The following NAV3 variants were observed in gnomAD, a reference collection of about 807,000 sequenced individuals.
NAV3 encodes the protein neuron navigator 3.
In NAV3, 87 loss-of-function variants were observed where a neutral mutation model predicts 244.7. The ratio of observed to expected loss-of-function variants is 0.36; its 90% CI spans 0.30 to 0.42. The LOEUF is 0.42. NAV3 is among the 20% of genes least tolerant of loss of function. The pLI is 1.00. For missense variants in NAV3, 2,663 were observed against 2,893.3 expected (o/e 0.92, Z 1.83); for synonymous variants, 1,126 against 1,042.2 (o/e 1.08, Z -1.55).
At chr12:77,653,762 A>G (rs1028021967) in intron 2 of NAV3, among the ~76,000 whole-genome samples, 22 of 152,164 alleles carry the variant, frequency 1.4e-4, no homozygotes, top group Admixed American at 6.5e-4. Context: ...ATATTTATAC[A>G]TCAATGGAAA....
chr12:77,953,943 T>A (rs1891129875), intron 3 of NAV3, among the ~76,000 whole-genome samples: 1 of 152,164 alleles, frequency 6.6e-6, no homozygotes, highest in Non-Finnish European at 1.5e-5. Context: ...CTCACAGTAC[T>A]GGAGGGCAGA....
At chr12:77,801,720 T>C (rs1411856302) in intron 2 of NAV3, among the ~76,000 whole-genome samples, 1 of 152,170 alleles carries the variant, frequency 6.6e-6, no homozygotes, top group Non-Finnish European at 1.5e-5. Context: ...CTGAATTTTT[T>C]TATGTAACTC....
intron 9 of NAV3, among the ~76,000 whole-genome samples, chr12:78,034,468 C>T (rs11107941): frequency 0.19 from 29,026 of 152,088 alleles, 2,980 homozygotes; most frequent in Middle Eastern, 0.25. Flanking sequence ...ATAAGCCCTC[C>T]GAGTGGTTCT....
intron 3 of NAV3, among the ~76,000 whole-genome samples, chr12:77,942,852 T>G (rs1031669583): frequency 6.6e-6 from 1 of 152,242 alleles, no homozygotes; most frequent in African/African-American, 2.4e-5. Context: ...TAAAAGATTT[T>G]TAAGGCTTTC....
chr12:77,849,890 G>T (rs1486868180), intron 1 of NAV3, among the ~76,000 whole-genome samples: 4 of 152,106 alleles, frequency 2.6e-5, no homozygotes, highest in Non-Finnish European at 5.9e-5. Context: ...GAATGTGGAA[G>T]AAAGAGTGGA....
intron 22 of NAV3, among the ~76,000 whole-genome samples, chr12:78,149,867 CATT>C (rs1957007692): frequency 6.6e-6 from 1 of 152,030 alleles, no homozygotes; most frequent in African/African-American, 2.4e-5. Context: ...TTTAAGCTAT[CATT>C]GTGCAATATA....
intron 31 of NAV3, among the ~76,000 whole-genome samples, chr12:78,186,980 A>G (rs1280881986): frequency 6.6e-6 from 1 of 151,856 alleles, no homozygotes; most frequent in East Asian, 1.9e-4. Context: ...TCCCATCATG[A>G]AAGTCCCACC....
intron 2 of NAV3, among the ~76,000 whole-genome samples, chr12:77,709,467 TGTAGTA>T (rs1429448861): frequency 6.6e-6 from 1 of 152,148 alleles, no homozygotes; most frequent in Non-Finnish European, 1.5e-5. Context: ...TTAACAGACT[TGTAGTA>T]GAGTAAAAGG....
At chr12:77,832,670 TAA>T (rs1359341052) in intron 1 of NAV3, among the ~76,000 whole-genome samples, 7 of 152,182 alleles carry the variant, frequency 4.6e-5, no homozygotes, top group South Asian at 2.1e-4. Context: ...AAATATAGAA[TAA>T]GTTATTGTTG....
At chr12:78,144,768 C>A (rs1359741349) in intron 20 of NAV3, among the ~76,000 whole-genome samples, 5 of 150,910 alleles carry the variant, frequency 3.3e-5, no homozygotes, top group African/African-American at 1.2e-4. Flanking sequence ...TGAATCTTTA[C>A]CAGCTTTCTA....
intron 10 of NAV3, 103 bp from the exon 11 acceptor site, chr12:78,050,661 T>G (rs2137239474): frequency 8.1e-7 from 1 of 1,231,848 alleles, no homozygotes; most frequent in Non-Finnish European, 1.1e-6. Context: ...ATGACGTGTT[T>G]ATAAGAGATG....
rs183037816 is a variant in NAV3, at chr12:78,177,642, A to G, written c.5320A>G (p.Lys1774Glu). 2.6e-4 allele frequency: 411 copies of G among 1,597,314 alleles called. No individual in the cohort carries two copies. In the African/African-American group the frequency reaches 4.9e-3, roughly 19 times the overall value. ...ASASPLVWPP[K>E]KRQNGPVIYK... Reference sequence around the variant, plus strand: ...CAGGTCACCCCTTGTCTGGCCACCAAAGAAACGACAAAATGGCCCTGTGAT... The same window carrying G: ...CAGGTCACCCCTTGTCTGGCCACCAGAGAAACGACAAAATGGCCCTGTGAT... Residue 1774 changes from lysine to glutamate, a missense_variant, in exon 28 of 40, where the codon AAG becomes GAG. By Grantham distance (56) the Lys-to-Glu change is moderately conservative. This residue lies in a region of NAV3 where 193 missense variants were observed against 200.7 expected (regional missense o/e 0.96). Transcript: ENST00000397909.
chr12:77,595,333 T>A lies in NAV3; in HGVS notation c.72+23067T>A, dbSNP rs183651160. ...TGCATGATCTCACATATATGTGGAA[T>A]CTTATAAAATACATAGAGGCAGACA... On this transcript the variant is annotated intron_variant, in intron 2 of 8. Coordinates refer to the NAV3 transcript ENST00000550042. Among the ~76,000 whole-genome samples, 453 of 152,258 alleles carry A rather than the reference T, an allele frequency of 3.0e-3. 4 individuals are homozygous for A. Among genetic ancestry groups the A allele is most frequent in the Middle Eastern group, 0.017 (5 of 294 alleles).
At chr12:77,721,578 C>T (rs527653095) in intron 2 of NAV3, among the ~76,000 whole-genome samples, 1 of 152,062 alleles carries the variant, frequency 6.6e-6, no homozygotes, top group Non-Finnish European at 1.5e-5. Flanking sequence ...GGTATAAAAA[C>T]ATGAAATATA....
intron 21 of NAV3, among the ~76,000 whole-genome samples, chr12:78,147,384 A>G (rs1412874160): frequency 1.3e-5 from 2 of 152,058 alleles, no homozygotes; most frequent in Non-Finnish European, 1.5e-5. Context: ...TTGATGCTGT[A>G]TCATGAGTTA....
chr12:77,638,643 C>T (rs922756772), intron 2 of NAV3, among the ~76,000 whole-genome samples: 1 of 152,192 alleles, frequency 6.6e-6, no homozygotes, highest in Non-Finnish European at 1.5e-5. Flanking sequence ...TAAGAGGATT[C>T]ATATACTATT....
chr12:77,840,214 T>C (rs1225572729), intron 1 of NAV3, among the ~76,000 whole-genome samples: 5 of 152,192 alleles, frequency 3.3e-5, no homozygotes, highest in Non-Finnish European at 4.4e-5. Flanking sequence ...CTCACCAATC[T>C]TAGGATGTAG....
At chr12:77,638,500 T>C (rs1202053278) in intron 2 of NAV3, among the ~76,000 whole-genome samples, 2 of 152,226 alleles carry the variant, frequency 1.3e-5, no homozygotes, top group Non-Finnish European at 2.9e-5. Context: ...CTATGAGAAG[T>C]CACACTCTGA....
chr12:78,052,692 G>A (rs1882935033), intron 11 of NAV3, among the ~76,000 whole-genome samples: 1 of 151,880 alleles, frequency 6.6e-6, no homozygotes, highest in African/African-American at 2.4e-5. Flanking sequence ...AGCCTAGGAG[G>A]CAATGCCCAG....
Sources: gnomAD v4.1 joint callset for allele counts (sites outside exome capture counted in the v4.1 genomes callset) on GRCh38, gnomAD v4.1.1 for gene constraint, gnomAD v4.1.1 regional missense constraint, MANE v1.5 for transcripts, NCBI Gene and HGNC (gene_info 2026-07-23, HGNC 2026-07-21) for gene names.